CTNNA2: variants seen among roughly 807,000 people sequenced by gnomAD.
The protein encoded by CTNNA2 is catenin alpha-2.
In CTNNA2, 42 loss-of-function variants were observed where a neutral mutation model predicts 101.0. The ratio of observed to expected loss-of-function variants is 0.42; its 90% CI spans 0.32 to 0.54. CTNNA2 has a LOEUF of 0.54. CTNNA2 is among the 20% of genes least tolerant of loss of function. CTNNA2 has a pLI of 0.14. For synonymous variants in CTNNA2, 450 were observed against 456.4 expected (o/e 0.99, Z 0.18); for missense variants, 871 against 1,223.1 (o/e 0.71, Z 4.29).
chr2:79,431,920 T>C (rs1346624178), intron 4 of CTNNA2, among the ~76,000 whole-genome samples: 7 of 152,250 alleles, frequency 4.6e-5, no homozygotes, highest in Middle Eastern at 3.4e-3. Flanking sequence ...CAAAAATAAC[T>C]GCAATAAAAT....
At chr2:79,923,267 A>G (rs1203100517) in intron 7 of CTNNA2, among the ~76,000 whole-genome samples, 1 of 152,178 alleles carries the variant, frequency 6.6e-6, no homozygotes, top group East Asian at 1.9e-4. Flanking sequence ...GGCAACAACC[A>G]TAGCAGCCAG....
intron 6 of CTNNA2, among the ~76,000 whole-genome samples, chr2:79,897,647 CT>C (rs1479262401): frequency 1.3e-5 from 2 of 152,210 alleles, no homozygotes; most frequent in African/African-American, 4.8e-5. Context: ...AGAATTACAA[CT>C]AGAAGGAATT....
chr2:80,063,020 G>C (rs114533364), intron 7 of CTNNA2, among the ~76,000 whole-genome samples: 2 of 152,048 alleles, frequency 1.3e-5, no homozygotes, highest in Non-Finnish European at 2.9e-5. Context: ...ACTGTGGCCC[G>C]GCCAAAGCAC....
At chr2:79,627,639 G>A (rs952407778) in intron 1 of CTNNA2, among the ~76,000 whole-genome samples, 2 of 152,132 alleles carry the variant, frequency 1.3e-5, no homozygotes, top group African/African-American at 4.8e-5. Context: ...CTTGCTTTCT[G>A]TTGTTGATAT....
At chr2:79,497,746 A>G (rs565149491) in intron 4 of CTNNA2, among the ~76,000 whole-genome samples, 21 of 151,428 alleles carry the variant, frequency 1.4e-4, no homozygotes, top group Non-Finnish European at 2.5e-4. Context: ...GAAAATTACT[A>G]CTCTCCTTTT....
intron 3 of CTNNA2, among the ~76,000 whole-genome samples, chr2:79,317,302 G>A (rs1273490869): frequency 6.6e-6 from 1 of 152,006 alleles, no homozygotes; most frequent in Admixed American, 6.6e-5. Context: ...GTTAGATTCA[G>A]TTTGCTACTC....
At chr2:79,535,163 T>TA (rs1301912295) in intron 1 of CTNNA2, among the ~76,000 whole-genome samples, 1 of 151,978 alleles carries the variant, frequency 6.6e-6, no homozygotes, top group South Asian at 2.1e-4. Flanking sequence ...TATCAGTCAA[T>TA]AAAAAACCCT....
At chr2:79,250,385 A>C (rs969781562) in intron 2 of CTNNA2, among the ~76,000 whole-genome samples, 2 of 152,158 alleles carry the variant, frequency 1.3e-5, no homozygotes, top group Non-Finnish European at 2.9e-5. Flanking sequence ...GGTCCCTTGC[A>C]GACTCATAAC....
chr2:80,554,375 CT>C (rs1692841041), intron 11 of CTNNA2, among the ~76,000 whole-genome samples: 1 of 152,112 alleles, frequency 6.6e-6, no homozygotes, highest in Non-Finnish European at 1.5e-5. Flanking sequence ...TTACTTAAGA[CT>C]TTAAAAATAT....
At chr2:79,509,280 G>T (rs1423884636), upstream of CTNNA2, among the ~76,000 whole-genome samples, 1 of 151,924 alleles carries the variant, frequency 6.6e-6, no homozygotes, top group East Asian at 1.9e-4. Context: ...TAGTGACAGG[G>T]TCTGAAATAT....
chr2:79,356,822 T>A (rs1677518769), intron 3 of CTNNA2, among the ~76,000 whole-genome samples: 1 of 152,026 alleles, frequency 6.6e-6, no homozygotes, highest in Non-Finnish European at 1.5e-5. Context: ...ACCATGTATA[T>A]CAAGAAGAAG....
chr2:80,323,668 TCTC>T (rs371939459), intron 7 of CTNNA2, among the ~76,000 whole-genome samples: 231 of 152,042 alleles, frequency 1.5e-3, no homozygotes, highest in East Asian at 4.8e-3. Context: ...TCTTTCTTTT[TCTC>T]CTCCTCCTCC....
At chr2:80,586,431 A>G (rs1695976610) in intron 14 of CTNNA2, 1 of 152,200 alleles carries the variant, frequency 6.6e-6, no homozygotes, top group Admixed American at 6.6e-5. Flanking sequence ...CACCTAGCGA[A>G]TGTTTTAAAT....
intron 7 of CTNNA2, chr2:80,313,259 C>T (rs1677773339): frequency 3.5e-6 from 2 of 567,476 alleles, no homozygotes; most frequent in South Asian, 6.6e-5. Flanking sequence ...TTCAAGCTGT[C>T]TCACTCCTCA....
At chr2:79,246,367 C>T (rs1424991756) in intron 2 of CTNNA2, among the ~76,000 whole-genome samples, 1 of 152,180 alleles carries the variant, frequency 6.6e-6, no homozygotes, top group Non-Finnish European at 1.5e-5. Context: ...AATTTTCCTC[C>T]TGTCCTGAGT....
At chr2:80,217,219 G>T (rs1019120902) in intron 7 of CTNNA2, among the ~76,000 whole-genome samples, 1 of 152,044 alleles carries the variant, frequency 6.6e-6, no homozygotes, top group Admixed American at 6.6e-5. Flanking sequence ...CTACAGGGTT[G>T]GTTGGCATAT....
chr2:79,620,186 A>T (rs1223016461), intron 1 of CTNNA2, among the ~76,000 whole-genome samples: 1 of 152,174 alleles, frequency 6.6e-6, no homozygotes, highest in Non-Finnish European at 1.5e-5. Context: ...ATAATTTCTA[A>T]ACTTCTGATC....
At chr2:80,272,981 G>A (rs779640704) in intron 7 of CTNNA2, among the ~76,000 whole-genome samples, 1 of 152,110 alleles carries the variant, frequency 6.6e-6, no homozygotes, top group African/African-American at 2.4e-5. Flanking sequence ...AACTTTGGGC[G>A]TGCGTGAAAG....
At chr2:80,630,924 T>G (rs1672222321) in intron 18 of CTNNA2, among the ~76,000 whole-genome samples, 2 of 152,150 alleles carry the variant, frequency 1.3e-5, no homozygotes, top group African/African-American at 4.8e-5. Context: ...TGGCTTAGCA[T>G]TCGTTTTTTA....
Sources: gnomAD v4.1 joint callset for allele counts (sites outside exome capture counted in the v4.1 genomes callset) on GRCh38, gnomAD v4.1.1 for gene constraint, MANE v1.5 for transcripts, NCBI Gene and HGNC (gene_info 2026-07-23, HGNC 2026-07-21) for gene names.